Variants in CDC42BPA observed in about 807,000 individuals in gnomAD.
The protein encoded by CDC42BPA is CDC42 binding protein kinase alpha.
CDC42BPA carries 80 observed loss-of-function variants against 223.5 expected under a neutral mutation model. The observed-to-expected ratio is 0.36, with a 90% confidence interval of 0.30 to 0.43. The LOEUF (loss-of-function observed/expected upper bound fraction) is 0.43, where lower values mean the gene tolerates loss of function less well. Ranked by LOEUF, CDC42BPA falls within the 20% of genes least tolerant of loss-of-function variation. The pLI is 1.00. For synonymous variants in CDC42BPA, 694 were observed against 718.6 expected (o/e 0.97, Z 0.55); for missense variants, 1,743 against 2,099.9 (o/e 0.83, Z 3.32).
chr1:227,014,232 T>C (rs112647458), intron 34 of CDC42BPA, among the ~76,000 whole-genome samples: 2 of 152,090 alleles, frequency 1.3e-5, no homozygotes, highest in African/African-American at 4.8e-5. Flanking sequence ...ATAGTTTTAA[T>C]ATTTAATGTG....
At chr1:227,268,605 GTATAGTGTGTGTATA>G (rs1488775051) in intron 1 of CDC42BPA, among the ~76,000 whole-genome samples, 4 of 137,962 alleles carry the variant, frequency 2.9e-5, no homozygotes, top group Non-Finnish European at 6.2e-5. Context: ...TATAGTGTGT[GTATAGTGTGTGTATA>G]TATATAGTAT....
intron 22 of CDC42BPA, among the ~76,000 whole-genome samples, chr1:227,048,676 G>A (rs1672943722): frequency 7.1e-6 from 1 of 140,636 alleles, no homozygotes; most frequent in Non-Finnish European, 1.5e-5. Context: ...TTATTTCTTT[G>A]AATGCAAAGA....
intron 3 of CDC42BPA, among the ~76,000 whole-genome samples, chr1:227,207,132 T>C (rs1672891767): frequency 7.8e-6 from 1 of 127,406 alleles, no homozygotes; most frequent in South Asian, 2.7e-4. Context: ...CCTTCCTGTG[T>C]CCATGTGTTC....
chr1:227,060,030 G>GTT (rs66527313), intron 21 of CDC42BPA, among the ~76,000 whole-genome samples: 29,063 of 117,222 alleles, frequency 0.25, 5,107 homozygotes, highest in South Asian at 0.41. Context: ...GTTTTTTTTT[G>GTT]TTTTTTTTTT....
intron 10 of CDC42BPA, among the ~76,000 whole-genome samples, chr1:227,138,823 A>T (rs7413400): frequency 0.075 from 11,336 of 152,152 alleles, 462 homozygotes; most frequent in Admixed American, 0.11. Context: ...ACAAAGAGAA[A>T]GAGGAACAAT....
At chr1:227,090,857 T>C (rs1358241455) in intron 16 of CDC42BPA, among the ~76,000 whole-genome samples, 1 of 152,162 alleles carries the variant, frequency 6.6e-6, no homozygotes, top group Non-Finnish European at 1.5e-5. Context: ...TTTTTACAAC[T>C]GCTTGCTAGG....
At chr1:227,274,054 G>C (rs1314522722) in intron 1 of CDC42BPA, among the ~76,000 whole-genome samples, 1 of 132,474 alleles carries the variant, frequency 7.5e-6, no homozygotes, top group South Asian at 2.5e-4. Context: ...GTAAATTTGA[G>C]AGAAATAGTC....
At position 227,147,414 on chromosome 1, in the gene CDC42BPA, G is replaced by A; in HGVS notation, c.839C>T (p.Thr280Ile). 10 of 1,613,102 alleles carry A rather than the reference G, an allele frequency of 6.2e-6. No individual in the cohort carries two copies. The highest frequency in any genetic ancestry group is 1.7e-4 in the Middle Eastern group (1 of 6,058). The part of the protein sequence containing the change: ...VCMYEMLYGE[T>I]PFYAESLVET... Reference sequence around the variant, plus strand: ...CACCAGCGATTCTGCATAAAATGGTGTTTCTCCGTAAAGCATTTCATACAT... The same window carrying A: ...CACCAGCGATTCTGCATAAAATGGTATTTCTCCGTAAAGCATTTCATACAT... Residue 280 changes from threonine (T) to isoleucine (I), a missense_variant, in exon 7 of 37, where the codon ACA (threonine) becomes ATA (isoleucine). By Grantham distance (89) the Thr-to-Ile change is moderately conservative (BLOSUM62 -1). This residue lies in a region of CDC42BPA where 321 missense variants were observed against 488.7 expected (regional missense o/e 0.66). Coordinates refer to ENST00000366766, the MANE Select transcript of CDC42BPA (RefSeq NM_001394014.1).
intron 12 of CDC42BPA, among the ~76,000 whole-genome samples, chr1:227,113,962 G>A (rs922549632): frequency 1.4e-4 from 20 of 143,712 alleles, no homozygotes; most frequent in Non-Finnish European, 2.5e-4. Flanking sequence ...AGGCTGCAGG[G>A]AGCTGAGATC....
intron 21 of CDC42BPA, among the ~76,000 whole-genome samples, chr1:227,064,995 G>A (rs1036295746): frequency 3.9e-5 from 6 of 152,038 alleles, no homozygotes; most frequent in African/African-American, 1.5e-4. Context: ...TACTCGGGAG[G>A]CTGAGGCAGG....
intron 2 of CDC42BPA, among the ~76,000 whole-genome samples, chr1:227,220,495 A>C (rs1278129128): frequency 6.6e-6 from 1 of 151,576 alleles, no homozygotes; most frequent in Non-Finnish European, 1.5e-5. Flanking sequence ...TCCTAACATT[A>C]ATTCTATCAC....
intron 23 of CDC42BPA, among the ~76,000 whole-genome samples, chr1:227,041,497 G>A (rs1228951908): frequency 6.6e-6 from 1 of 152,012 alleles, no homozygotes; most frequent in Non-Finnish European, 1.5e-5. Flanking sequence ...TATTTCAGTA[G>A]ACACTAACAT....
Position 226,994,318 on chromosome 1 carries a change from T to C in CDC42BPA, c.5215A>G (p.Thr1739Ala), listed in dbSNP as rs1370083095. The C allele has an allele frequency of 6.3e-7, 1 of 1,598,314 alleles. No homozygotes were observed. Among genetic ancestry groups the C allele is most frequent in the African/African-American group, 1.3e-5 (1 of 74,702 alleles). ...SPPSPASPRKTKSLSLESTDR... is the reference protein window; with the variant it reads ...SPPSPASPRKAKSLSLESTDR... ...GTGCTCTCCAGGGAGAGGCTCTTGG[T>C]TTTTCGGGGTGAAGCTGGGCTTGGG... The change falls in exon 37 of 37, where the codon ACC becomes GCC. Residue 1739 changes from threonine (T) to alanine (A), a missense_variant. Thr to Ala is a moderately conservative substitution (Grantham distance 58). Coordinates refer to ENST00000366766, the MANE Select transcript of CDC42BPA (RefSeq NM_001394014.1). The surrounding 1 kb of genome is among the most constrained non-coding windows in gnomAD (Gnocchi z 4.0).
At chr1:227,198,454 A>AAAAG (rs1288100401) in intron 4 of CDC42BPA, among the ~76,000 whole-genome samples, 4 of 135,358 alleles carry the variant, frequency 3.0e-5, no homozygotes, top group East Asian at 4.1e-4. Context: ...AAAAAAAAAG[A>AAAAG]AAAGAAAGAA....
At chr1:227,239,063 T>C (rs1679577075) in intron 2 of CDC42BPA, among the ~76,000 whole-genome samples, 1 of 152,186 alleles carries the variant, frequency 6.6e-6, no homozygotes, top group African/African-American at 2.4e-5. Flanking sequence ...ATGCACACAG[T>C]GTATCTAGAC....
intron 1 of CDC42BPA, among the ~76,000 whole-genome samples, chr1:227,266,393 A>G (rs1255554832): frequency 6.6e-6 from 1 of 152,164 alleles, no homozygotes; most frequent in East Asian, 1.9e-4. Flanking sequence ...AAAACAGAAG[A>G]GCTTCAGAGA....
intron 3 of CDC42BPA, among the ~76,000 whole-genome samples, chr1:227,202,379 C>T (rs944884446): frequency 6.6e-6 from 1 of 152,100 alleles, no homozygotes; most frequent in Non-Finnish European, 1.5e-5. Context: ...TGGTTTACTG[C>T]TAACATTTTA....
chr1:227,276,696 G>A (rs1687132423), intron 1 of CDC42BPA, among the ~76,000 whole-genome samples: 1 of 152,242 alleles, frequency 6.6e-6, no homozygotes, highest in South Asian at 2.1e-4. Flanking sequence ...GTAGAAAGAA[G>A]TGGACATAGG....
chr1:227,182,504 T>C (rs1051111843), intron 5 of CDC42BPA, among the ~76,000 whole-genome samples: 14 of 152,142 alleles, frequency 9.2e-5, no homozygotes, highest in African/African-American at 1.2e-4. Context: ...TCACAGGAAA[T>C]TGAAAAATAG....
Sources: allele counts gnomAD v4.1 joint callset (sites outside exome capture counted in the v4.1 genomes callset), GRCh38; gene constraint gnomAD v4.1.1; regional missense constraint gnomAD v4.1.1; non-coding constraint Gnocchi (gnomAD v3.1); transcripts MANE v1.5; gene names NCBI Gene and HGNC (gene_info 2026-07-23, HGNC 2026-07-21).